Variants in BRINP2 observed in about 807,000 individuals in gnomAD.
The protein encoded by BRINP2 is BMP/retinoic acid-inducible neural-specific protein 2.
In BRINP2, 21 loss-of-function variants were observed where a neutral mutation model predicts 69.2. The observed-to-expected ratio is 0.30, with a 90% CI of 0.22 to 0.44. The LOEUF is 0.44. BRINP2 is among the 20% of genes least tolerant of loss of function. BRINP2 has a pLI of 1.00. For synonymous variants in BRINP2, 380 were observed against 394.1 expected (o/e 0.96, Z 0.42); for missense variants, 877 against 986.0 (o/e 0.89, Z 1.48).
At chr1:177,177,069 T>C (rs1207834482) in intron 1 of BRINP2, among the ~76,000 whole-genome samples, 2 of 152,066 alleles carry the variant, frequency 1.3e-5, no homozygotes, top group African/African-American at 4.8e-5. Context: ...TATCAATATG[T>C]TGATAGTGTG....
chr1:177,220,990 G>C (rs1326526145), intron 1 of BRINP2, among the ~76,000 whole-genome samples: 1 of 152,190 alleles, frequency 6.6e-6, no homozygotes, highest in Non-Finnish European at 1.5e-5. Flanking sequence ...GGTGAATCCT[G>C]CTTGTGTACT....
intron 1 of BRINP2, among the ~76,000 whole-genome samples, chr1:177,208,841 C>A (rs1649135953): frequency 6.6e-6 from 1 of 152,158 alleles, no homozygotes; most frequent in African/African-American, 2.4e-5. Flanking sequence ...CATATTTGAA[C>A]CCTGGCAAGC....
intron 2 of BRINP2, among the ~76,000 whole-genome samples, chr1:177,242,530 CTTCTCACCT>C (rs1195832607): frequency 6.6e-6 from 1 of 152,146 alleles, no homozygotes; most frequent in Non-Finnish European, 1.5e-5. Context: ...CTCTGAGCTC[CTTCTCACCT>C]TTCAAACTCA....
At chr1:177,189,657 T>G (rs1205152012) in intron 1 of BRINP2, among the ~76,000 whole-genome samples, 1 of 152,162 alleles carries the variant, frequency 6.6e-6, no homozygotes, top group African/African-American at 2.4e-5. Context: ...TAAATACTTC[T>G]CAACTTAGAA....
chr1:177,202,197 T>G (rs1416327762), intron 1 of BRINP2, among the ~76,000 whole-genome samples: 2 of 151,950 alleles, frequency 1.3e-5, no homozygotes, highest in Admixed American at 6.6e-5. Flanking sequence ...GTGTCTCTAT[T>G]TCCTTCAGTT....
intron 1 of BRINP2, among the ~76,000 whole-genome samples, chr1:177,225,098 A>G (rs779266470): frequency 1.3e-5 from 2 of 152,258 alleles, no homozygotes; most frequent in Admixed American, 6.5e-5. Context: ...AAAATTCCCA[A>G]GAAGTCCTCA....
At chr1:177,273,683 G>T in intron 5 of BRINP2, 90 bp downstream of exon 5, 1 of 757,404 alleles carries the variant, frequency 1.3e-6, no homozygotes. Context: ...AATTCTGCCT[G>T]TTCCATTTGA....
At chr1:177,217,496 C>T (rs1340996250) in intron 1 of BRINP2, among the ~76,000 whole-genome samples, 1 of 151,858 alleles carries the variant, frequency 6.6e-6, no homozygotes, top group Non-Finnish European at 1.5e-5. Flanking sequence ...GTCCTTTTAT[C>T]GATATCTTTG....
intron 1 of BRINP2, among the ~76,000 whole-genome samples, chr1:177,200,317 A>AAAAAAAAAAAAAAAAAAAAAAAC (rs1648870891): frequency 6.7e-6 from 1 of 150,082 alleles, no homozygotes; most frequent in Non-Finnish European, 1.5e-5. Flanking sequence ...AAAAAAAAAA[A>AAAAAAAAAAAAAAAAAAAAAAAC]AAAAAGAATG....
intron 1 of BRINP2, among the ~76,000 whole-genome samples, chr1:177,208,693 T>C (rs1649131520): frequency 6.6e-6 from 1 of 152,198 alleles, no homozygotes; most frequent in Non-Finnish European, 1.5e-5. Flanking sequence ...CAGGTAAGAT[T>C]TGATTTTAAC....
chr1:177,215,701 T>C (rs1184578423), intron 1 of BRINP2, among the ~76,000 whole-genome samples: 2 of 152,152 alleles, frequency 1.3e-5, no homozygotes, highest in African/African-American at 4.8e-5. Context: ...TCTTCCCTTA[T>C]TGGTGTAATA....
intron 1 of BRINP2, among the ~76,000 whole-genome samples, chr1:177,215,409 A>C (rs1238871643): frequency 4.6e-5 from 7 of 152,032 alleles, no homozygotes; most frequent in Admixed American, 4.6e-4. Flanking sequence ...TATTTATCTG[A>C]GTTCACTTCA....
At chr1:177,256,587 T>A (rs1650767481) in intron 3 of BRINP2, 1 of 984,308 alleles carries the variant, frequency 1.0e-6, no homozygotes, top group Non-Finnish European at 1.2e-6. Flanking sequence ...GGGCGGAGAG[T>A]GGGGGTAGGG....
At chr1:177,225,522 G>A (rs1041433492) in intron 1 of BRINP2, among the ~76,000 whole-genome samples, 7 of 152,198 alleles carry the variant, frequency 4.6e-5, no homozygotes, top group African/African-American at 1.7e-4. Flanking sequence ...ACTGAAGCAC[G>A]ATGGGGAAGG....
intron 1 of BRINP2, among the ~76,000 whole-genome samples, chr1:177,188,357 T>G (rs560142213): frequency 1.4e-4 from 21 of 152,288 alleles, no homozygotes; most frequent in African/African-American, 3.6e-4. Flanking sequence ...AGCCTATGTT[T>G]TAGTTGTGGA....
At chr1:177,216,028 T>C (rs1430329687) in intron 1 of BRINP2, among the ~76,000 whole-genome samples, 1 of 152,114 alleles carries the variant, frequency 6.6e-6, no homozygotes, top group African/African-American at 2.4e-5. Context: ...GAATCTCTTA[T>C]GTACAGCATA....
intron 2 of BRINP2, among the ~76,000 whole-genome samples, chr1:177,254,377 T>TGC (rs202159137): frequency 5.7e-4 from 74 of 129,120 alleles, no homozygotes; most frequent in African/African-American, 2.1e-3. Flanking sequence ...TAAGCACACA[T>TGC]GCACACACAC....
intron 5 of BRINP2, among the ~76,000 whole-genome samples, chr1:177,273,875 A>G (rs770333478): frequency 1.3e-5 from 2 of 151,896 alleles, no homozygotes; most frequent in Non-Finnish European, 2.9e-5. Flanking sequence ...TCACAATCCT[A>G]TAAGAAACAG....
intron 1 of BRINP2, among the ~76,000 whole-genome samples, chr1:177,175,404 C>T (rs1204292139): frequency 6.6e-6 from 1 of 152,126 alleles, no homozygotes; most frequent in Non-Finnish European, 1.5e-5. Flanking sequence ...CAAGGAAGGG[C>T]CCACCAGGAG....
Sources: allele counts gnomAD v4.1 joint callset (sites outside exome capture counted in the v4.1 genomes callset), GRCh38; gene constraint gnomAD v4.1.1; transcripts MANE v1.5; gene names NCBI Gene and HGNC (gene_info 2026-07-23, HGNC 2026-07-21).